Variants in TLE5 observed in about 807,000 individuals in gnomAD.
TLE5 encodes the protein TLE family member 5.
TLE5 carries 7 observed loss-of-function variants against 25.8 expected under a neutral mutation model. The observed-to-expected ratio is 0.27, with a 90% confidence interval of 0.15 to 0.51. The LOEUF (loss-of-function observed/expected upper bound fraction) is 0.51. Among genes scored for constraint, TLE5 ranks in the 20% least tolerant of loss-of-function variants. TLE5 has a pLI of 0.97. For synonymous variants in TLE5, 132 were observed against 110.5 expected (o/e 1.20, Z -1.22); for missense variants, 149 against 250.7 (o/e 0.59, Z 2.74).
chr19:3,060,453 CA>C (rs1350552626), intron 2 of TLE5, among the ~76,000 whole-genome samples: 1 of 151,328 alleles, frequency 6.6e-6, no homozygotes, highest in African/African-American at 2.4e-5. Flanking sequence ...CTGCCTCAGC[CA>C]CCCGAGTAGC....
At chr19:3,057,891 T>C in intron 2 of TLE5, 149 bp from the exon 3 acceptor site, 1 of 720,082 alleles carries the variant, frequency 1.4e-6, no homozygotes, top group Non-Finnish European at 2.4e-6. Context: ...AATAATTTTT[T>C]TTTTAAATTG....
intron 4 of TLE5, chr19:3,056,032 G>C (rs571276872): frequency 3.8e-6 from 2 of 521,666 alleles, no homozygotes; most frequent in Non-Finnish European, 6.8e-6. Flanking sequence ...GCGCTTGTGC[G>C]AATGTAGGGA....
At chr19:3,061,007 A>T in intron 2 of TLE5, 153 bp downstream of exon 2, 1 of 586,880 alleles carries the variant, frequency 1.7e-6, no homozygotes. Context: ...GGGGCTGTTT[A>T]AAATAAATGA....
chr19:3,054,086 T>TGGGGGGGGGGGCCCCCCC, intron 6 of TLE5, 34 bp downstream of exon 6: 1 of 1,512,762 alleles, frequency 6.6e-7, no homozygotes, highest in Non-Finnish European at 8.9e-7. Flanking sequence ...GGCCCACCTG[T>TGGGGGGGGGGGCCCCCCC]CCCCCGCCCA....
chr19:3,060,328 CT>C (rs990199468), intron 2 of TLE5, among the ~76,000 whole-genome samples: 9,694 of 93,240 alleles, frequency 0.1, 120 homozygotes, highest in Non-Finnish European at 0.15. Flanking sequence ...TTTTTTCTTT[CT>C]TTTTTTTTTT....
intron 4 of TLE5, 66 bp downstream of exon 4, chr19:3,056,246 G>A: frequency 8.1e-7 from 1 of 1,237,946 alleles, no homozygotes; most frequent in Non-Finnish European, 1.1e-6. Flanking sequence ...GCCCAAGGCG[G>A]GGCTGGAGGT....
chr19:3,056,640 A>C (rs927475607), intron 3 of TLE5: 1 of 636,286 alleles, frequency 1.6e-6, no homozygotes, highest in Non-Finnish European at 2.9e-6. Context: ...CTCCTCCCCC[A>C]CTCCATGTGC....
At chr19:3,054,086 T>TGGGGGGGGGCCCCCC in intron 6 of TLE5, 34 bp downstream of exon 6, 2 of 1,512,792 alleles carry the variant, frequency 1.3e-6, no homozygotes, top group Non-Finnish European at 1.8e-6. Flanking sequence ...GGCCCACCTG[T>TGGGGGGGGGCCCCCC]CCCCCGCCCA....
At chr19:3,062,748 C>A (rs1159189132), upstream of TLE5, 8 of 1,545,700 alleles carry the variant, frequency 5.2e-6, no homozygotes, top group Non-Finnish European at 7.0e-6. Context: ...AGAAAAGGGA[C>A]CCGGCTGCCC....
At position 3,061,892 on chromosome 19, in the gene TLE5, G is replaced by C. The variant is rs983317272; in HGVS notation, c.27+282C>G. Among the ~76,000 whole-genome samples, 8 of 145,178 alleles carry C rather than the reference G, an allele frequency of 5.5e-5. 1 individual carries two copies. The highest frequency in any genetic ancestry group is 4.2e-4 in the East Asian group (2 of 4,706). On this transcript the variant is annotated intron_variant, in intron 1 of 6. Coordinates refer to ENST00000327141, the MANE Select transcript of TLE5 (RefSeq NM_001130.6). ...CCTGACTGTCCCGGCGGGTTGGGGGGGGGGGGCGCCAAGCCGGGAGCTGCG... is the reference window on the plus strand; with the variant it reads ...CCTGACTGTCCCGGCGGGTTGGGGGCGGGGGGCGCCAAGCCGGGAGCTGCG...
chr19:3,059,459 T>C (rs770797061), intron 2 of TLE5, among the ~76,000 whole-genome samples: 3 of 152,056 alleles, frequency 2.0e-5, no homozygotes, highest in Non-Finnish European at 4.4e-5. Context: ...AAGGTGGAGG[T>C]TGCAGTGAGC....
chr19:3,056,270 G>T, intron 4 of TLE5, 42 bp downstream of exon 4: 1 of 1,409,252 alleles, frequency 7.1e-7, no homozygotes, highest in Non-Finnish European at 9.6e-7. Context: ...GGGAGGAGGG[G>T]GAAGGAGGAG....
intron 1 of TLE5, 110 bp downstream of exon 1, chr19:3,062,064 G>T: frequency 2.9e-6 from 1 of 348,108 alleles, no homozygotes; most frequent in Non-Finnish European, 4.1e-6. Flanking sequence ...GGGGCGCCGG[G>T]CCGGAGGCAC....
intron 1 of TLE5, 26 bp downstream of exon 1, chr19:3,062,148 G>A (rs2090276964): frequency 1.8e-6 from 2 of 1,126,364 alleles, no homozygotes; most frequent in Non-Finnish European, 2.2e-6. Context: ...CGGGGTGGGG[G>A]CGCCGGCCGG....
At chr19:3,062,878 A>T (rs1328449268), upstream of TLE5, 1 of 1,434,600 alleles carries the variant, frequency 7.0e-7, no homozygotes, top group South Asian at 1.2e-5. Flanking sequence ...TTTCTGCAGA[A>T]AGGCAGCGGT....
chr19:3,054,086 T>TCGGGGGGCCCCCCCC, intron 6 of TLE5, 34 bp downstream of exon 6: 5 of 1,512,808 alleles, frequency 3.3e-6, no homozygotes, highest in African/African-American at 1.4e-5. Context: ...GGCCCACCTG[T>TCGGGGGGCCCCCCCC]CCCCCGCCCA....
intron 1 of TLE5, among the ~76,000 whole-genome samples, chr19:3,061,695 C>CG (rs1252610801): frequency 1.3e-5 from 2 of 150,886 alleles, no homozygotes; most frequent in East Asian, 2.0e-4. Flanking sequence ...CGAAATCTTC[C>CG]GGGGGGGCCC....
chr19:3,053,129 A>T lies in TLE5; in HGVS notation c.*690T>A, dbSNP rs1470779684. On this transcript the variant is annotated 3_prime_UTR_variant, in exon 7 of 7. Transcript: ENST00000327141. ...AAGCTAGTATACTGGAAAAAGAAAA[A>T]AATAATAATAAAATAAAAACCAAGA... The T allele has an allele frequency of 4.6e-5, 7 of 152,014 alleles. No homozygotes were observed. The highest frequency in any genetic ancestry group is 7.4e-5 in the Non-Finnish European group (5 of 68,000). 9.4% of individuals were successfully genotyped at this position (152,014 alleles called of 1,614,324 possible). A position where few individuals can be genotyped will look rare whatever the true frequency, so the allele number is the denominator to read the frequency against.
At chr19:3,056,836 C>G (rs2090223637) in intron 3 of TLE5, 1 of 235,120 alleles carries the variant, frequency 4.3e-6, no homozygotes, top group Admixed American at 5.2e-5. Context: ...TGCCCCTCCC[C>G]TGCTCTAAAC....
Sources: gnomAD v4.1 joint callset for allele counts (sites outside exome capture counted in the v4.1 genomes callset) on GRCh38, gnomAD v4.1.1 for gene constraint, MANE v1.5 for transcripts, NCBI Gene and HGNC (gene_info 2026-07-23, HGNC 2026-07-21) for gene names.